Variants in CHLSN observed in about 807,000 individuals in gnomAD.
CHLSN encodes cholesin, also known as protein cholesin.
At chr7:1,015,608 G>A in the CHLSN span, among the ~76,000 whole-genome samples, 7 of 152,218 alleles carry the variant, frequency 4.6e-5, no homozygotes, top group Non-Finnish European at 5.9e-5. Flanking sequence ...TGACCCAGAG[G>A]GCAGGGAGGA....
the CHLSN span, among the ~76,000 whole-genome samples, chr7:1,022,644 A>G: frequency 1.3e-5 from 2 of 152,136 alleles, no homozygotes; most frequent in Non-Finnish European, 1.5e-5. Context: ...CCCACAACCA[A>G]CAGCATCGAT....
At chr7:1,123,761 C>G in the CHLSN span, among the ~76,000 whole-genome samples, 6 of 152,078 alleles carry the variant, frequency 3.9e-5, no homozygotes, top group Non-Finnish European at 7.4e-5. This position sits in a 1 kb window ranked among gnomAD's most constrained non-coding sequence, Gnocchi z 4.4. Flanking sequence ...CCCAGTAGCC[C>G]GGAAACTGGC....
the CHLSN span, among the ~76,000 whole-genome samples, chr7:1,102,145 C>T: frequency 6.6e-6 from 1 of 152,250 alleles, no homozygotes; most frequent in Non-Finnish European, 1.5e-5. Context: ...GTGCCAAGTG[C>T]AGCCAGCCAG....
the CHLSN span, among the ~76,000 whole-genome samples, chr7:1,047,853 T>C: frequency 6.6e-6 from 1 of 152,184 alleles, no homozygotes; most frequent in African/African-American, 2.4e-5. Flanking sequence ...GTGGGGAAAT[T>C]GGATCACTCG....
chr7:1,110,139 C>G, the CHLSN span, among the ~76,000 whole-genome samples: 1 of 152,194 alleles, frequency 6.6e-6, no homozygotes, highest in East Asian at 1.9e-4. Context: ...CCGGCCGAGG[C>G]AGGGCTCAGT....
the CHLSN span, chr7:1,028,788 C>T: frequency 1.1e-5 from 10 of 881,518 alleles, no homozygotes; most frequent in African/African-American, 2.0e-5. Flanking sequence ...CGCCATCTGT[C>T]CCTATCGCTC....
the CHLSN span, chr7:1,027,110 T>A: frequency 6.6e-6 from 1 of 152,242 alleles, no homozygotes; most frequent in Non-Finnish European, 1.5e-5. Context: ...CAAAATTAAA[T>A]GTCCGTGAAG....
At chr7:1,066,218 C>T in the CHLSN span, among the ~76,000 whole-genome samples, 2 of 152,224 alleles carry the variant, frequency 1.3e-5, no homozygotes, top group African/African-American at 4.8e-5. Context: ...CCAGAATTTC[C>T]CCAGGCCCAC....
At chr7:1,044,355 G>A in the CHLSN span, among the ~76,000 whole-genome samples, 112 of 152,372 alleles carry the variant, frequency 7.4e-4, no homozygotes, top group African/African-American at 2.5e-3. Context: ...GCACGAGTTC[G>A]TCAAATGGCT....
At chr7:1,014,060 G>A in the CHLSN span, among the ~76,000 whole-genome samples, 3 of 152,112 alleles carry the variant, frequency 2.0e-5, no homozygotes, top group Non-Finnish European at 2.9e-5. Flanking sequence ...TTCACAACAT[G>A]GACACTTCCA....
At chr7:1,108,621 G>C in the CHLSN span, among the ~76,000 whole-genome samples, 146 of 152,360 alleles carry the variant, frequency 9.6e-4, no homozygotes, top group African/African-American at 3.4e-3. Context: ...GTCTCCGCCA[G>C]CTAAAAGGAT....
the CHLSN span, among the ~76,000 whole-genome samples, chr7:1,014,797 G>C: frequency 6.6e-6 from 1 of 151,612 alleles, no homozygotes; most frequent in Non-Finnish European, 1.5e-5. Flanking sequence ...CGCCGGCCAC[G>C]GCAGCGATCC....
chr7:1,135,677 G>C, the CHLSN span, among the ~76,000 whole-genome samples: 1 of 150,788 alleles, frequency 6.6e-6, no homozygotes, highest in Non-Finnish European at 1.5e-5. Context: ...TGAGGCAGGA[G>C]AATCGTTTGA....
chr7:1,048,438 T>TCA, the CHLSN span, among the ~76,000 whole-genome samples: 1 of 151,964 alleles, frequency 6.6e-6, no homozygotes, highest in Non-Finnish European at 1.5e-5. Flanking sequence ...TCTCTCTCTC[T>TCA]CACACACACA....
chr7:1,026,806 G>A, the CHLSN span: 3 of 152,270 alleles, frequency 2.0e-5, no homozygotes, highest in Non-Finnish European at 2.9e-5. Flanking sequence ...TCCCCGTGGA[G>A]GGAACAAAGC....
the CHLSN span, among the ~76,000 whole-genome samples, chr7:1,089,978 G>A: frequency 6.6e-6 from 1 of 151,810 alleles, no homozygotes; most frequent in Admixed American, 6.6e-5. Flanking sequence ...CAGATACTCA[G>A]GAGGCTGAGG....
the CHLSN span, among the ~76,000 whole-genome samples, chr7:1,023,649 A>G: frequency 6.7e-6 from 1 of 148,496 alleles, no homozygotes; most frequent in African/African-American, 2.5e-5. This position sits in a 1 kb window ranked among gnomAD's most constrained non-coding sequence, Gnocchi z 5.0. Flanking sequence ...ACACACACAC[A>G]CACACACACA....
chr7:1,100,682 G>A, the CHLSN span, among the ~76,000 whole-genome samples: 3 of 152,072 alleles, frequency 2.0e-5, no homozygotes, highest in Non-Finnish European at 4.4e-5. Flanking sequence ...GCTGGGGGAG[G>A]GGCCGTCTGT....
chr7:1,057,209 C>T, the CHLSN span, among the ~76,000 whole-genome samples: 2 of 152,154 alleles, frequency 1.3e-5, no homozygotes, highest in East Asian at 1.9e-4. Flanking sequence ...CGCAGCAGCC[C>T]GTGAAGAGTG....
Sources: allele counts gnomAD v4.1 joint callset (sites outside exome capture counted in the v4.1 genomes callset), GRCh38; gene constraint gnomAD v4.1.1; non-coding constraint Gnocchi (gnomAD v3.1); transcripts MANE v1.5; gene names NCBI Gene and HGNC (gene_info 2026-07-23, HGNC 2026-07-21).